PARG: variants seen among roughly 807,000 people sequenced by gnomAD.
The protein encoded by PARG is poly(ADP-ribose) glycohydrolase.
PARG carries 35 observed loss-of-function variants against 113.0 expected under a neutral mutation model. The ratio of observed to expected loss-of-function variants is 0.31; its 90% CI spans 0.24 to 0.41. The LOEUF (loss-of-function observed/expected upper bound fraction) is 0.41, where lower values mean the gene tolerates loss of function less well. PARG is among the 10% of genes least tolerant of loss of function. PARG has a pLI of 1.00. For synonymous variants in PARG, 330 were observed against 409.9 expected, an observed-to-expected ratio of 0.81 and a Z score of 2.36; for missense variants, 797 against 1,169.4, an observed-to-expected ratio of 0.68 and a Z score of 4.64.
chr10:49,921,292 T>C (rs1430870741), intron 6 of PARG, among the ~76,000 whole-genome samples: 13 of 152,252 alleles, frequency 8.5e-5, no homozygotes, highest in Non-Finnish European at 1.9e-4. Context: ...TCTTACCCCG[T>C]AATCCTACCT....
At chr10:49,836,454 T>C (rs1164045027) in intron 15 of PARG, among the ~76,000 whole-genome samples, 1 of 151,386 alleles carries the variant, frequency 6.6e-6, no homozygotes, top group Non-Finnish European at 1.5e-5. Flanking sequence ...ATCCCTAAAA[T>C]AATTATAACA....
At chr10:49,906,595 C>T (rs1371011852) in intron 7 of PARG, among the ~76,000 whole-genome samples, 1 of 152,072 alleles carries the variant, frequency 6.6e-6, no homozygotes, top group Non-Finnish European at 1.5e-5. Flanking sequence ...CTCCCTAAAC[C>T]TTGGTTTTCC....
chr10:49,889,782 A>T (rs533733360), intron 7 of PARG, among the ~76,000 whole-genome samples: 1 of 152,336 alleles, frequency 6.6e-6, no homozygotes, highest in African/African-American at 2.4e-5. Context: ...GACAAGCTTT[A>T]CAATGTTGCT....
rs971676556 is a variant in PARG, at chr10:49,819,892, A to G, written c.2776+273T>C. Among the ~76,000 whole-genome samples, 5 of 152,126 alleles carry G rather than the reference A, an allele frequency of 3.3e-5. No individual in the cohort carries two copies. The South Asian group carries it at 1.0e-3, about 32-fold the overall frequency. ...CCCTCATTCATCTTTCCCATTTTAG[A>G]TTTTTATAGACAGAAAAGTAAAAAT... On this transcript the variant is annotated intron_variant, in intron 17 of 17. Coordinates refer to ENST00000616448, the MANE Select transcript of PARG (RefSeq NM_003631.5).
Position 49,885,206 on chromosome 10 carries a change from G to A in PARG, c.1827C>T (p.Thr609=). 1.3e-6 allele frequency: 2 copies of A among 1,526,494 alleles called. No individual in the cohort carries two copies. Among genetic ancestry groups the A allele is most frequent in the African/African-American group, 1.4e-5 (1 of 73,192 alleles). 94.6% of individuals were successfully genotyped at this position (1,526,494 alleles called of 1,614,324 possible). A position where few individuals can be genotyped will look rare whatever the true frequency, so the allele number is the denominator to read the frequency against. The change falls in exon 8 of 18, where the codon ACC becomes ACT. Residue 609 remains threonine (T), a synonymous_variant. Transcript: ENST00000616448. ...TGAGGAAGCTACATCCACTAACCTG[G>A]GTGCAAATATTTGGCAGACAGAGTG... ...KIALCLPNIC[T]QPIPLLKQKM...
intron 9 of PARG, among the ~76,000 whole-genome samples, chr10:49,877,892 C>A (rs1847021196): frequency 7.2e-6 from 1 of 138,682 alleles, no homozygotes. Flanking sequence ...CCAATGGATG[C>A]CAAAATTAGT....
At chr10:49,902,577 T>C (rs1676278072) in intron 7 of PARG, among the ~76,000 whole-genome samples, 1 of 152,170 alleles carries the variant, frequency 6.6e-6, no homozygotes, top group African/African-American at 2.4e-5. Flanking sequence ...AAACACATAT[T>C]GAACACCCAC....
At chr10:49,833,933 T>C (rs190510448) in intron 15 of PARG, among the ~76,000 whole-genome samples, 41 of 152,304 alleles carry the variant, frequency 2.7e-4, no homozygotes, top group Middle Eastern at 6.8e-3. Flanking sequence ...CATAGAAATA[T>C]ATTAAATTGT....
At chr10:49,940,999 T>C (rs1839019456) in intron 1 of PARG, among the ~76,000 whole-genome samples, 2 of 152,340 alleles carry the variant, frequency 1.3e-5, no homozygotes, top group African/African-American at 4.8e-5. Flanking sequence ...TTTTATTATA[T>C]TAACTTTTGC....
At chr10:49,836,033 C>A (rs1029785849) in intron 15 of PARG, among the ~76,000 whole-genome samples, 1 of 152,108 alleles carries the variant, frequency 6.6e-6, no homozygotes, top group South Asian at 2.1e-4. Context: ...AGGTGAGTAG[C>A]AGGCTATACC....
intron 16 of PARG, among the ~76,000 whole-genome samples, chr10:49,829,960 T>G (rs562709898): frequency 6.6e-6 from 1 of 152,182 alleles, no homozygotes; most frequent in African/African-American, 2.4e-5. Flanking sequence ...CAATTCCCCA[T>G]TGAAGGACTT....
chr10:49,885,176 G>T (rs373608824), intron 8 of PARG, 27 bp downstream of exon 8: 58 of 1,192,958 alleles, frequency 4.9e-5, no homozygotes, highest in Non-Finnish European at 6.8e-5. Context: ...TCTCAGGGAA[G>T]CTACTGAGGA....
At chr10:49,931,929 T>C (rs1478275467) in intron 4 of PARG, among the ~76,000 whole-genome samples, 171 bp downstream of exon 4, 3 of 152,274 alleles carry the variant, frequency 2.0e-5, no homozygotes, top group Non-Finnish European at 2.9e-5. Context: ...TGTTAAGTTC[T>C]ATACTAAGTA....
At chr10:49,883,127 AC>A (rs1847294528) in intron 8 of PARG, among the ~76,000 whole-genome samples, 1 of 152,260 alleles carries the variant, frequency 6.6e-6, no homozygotes, top group African/African-American at 2.4e-5. Context: ...TGAAAACATC[AC>A]ACTGGAAAAC....
chr10:49,852,517 C>CATT (rs1845800892), intron 13 of PARG, among the ~76,000 whole-genome samples: 1 of 149,978 alleles, frequency 6.7e-6, no homozygotes, highest in Non-Finnish European at 1.5e-5. Flanking sequence ...CCTTTATTTA[C>CATT]ATTAACATTA....
chr10:49,928,891 T>TA (rs1838349872), intron 4 of PARG, among the ~76,000 whole-genome samples: 2 of 152,258 alleles, frequency 1.3e-5, no homozygotes, highest in South Asian at 4.1e-4. Flanking sequence ...AACTGTTAAT[T>TA]ACATTTATAT....
intron 7 of PARG, among the ~76,000 whole-genome samples, chr10:49,911,598 A>G (rs1837186839): frequency 6.6e-6 from 1 of 152,374 alleles, no homozygotes; most frequent in East Asian, 1.9e-4. Flanking sequence ...CTAAATATAT[A>G]ATTATAAATA....
intron 6 of PARG, among the ~76,000 whole-genome samples, chr10:49,919,164 C>T (rs1387623652): frequency 3.3e-5 from 5 of 152,166 alleles, no homozygotes; most frequent in African/African-American, 7.2e-5. Flanking sequence ...TGGTCTCAAA[C>T]TCCTGACCTC....
At chr10:49,888,597 T>C (rs1280210485) in intron 7 of PARG, among the ~76,000 whole-genome samples, 12 of 152,236 alleles carry the variant, frequency 7.9e-5, no homozygotes, top group Non-Finnish European at 1.6e-4. Flanking sequence ...TCATTCAAAC[T>C]GTTTTCTGTA....
Sources: gnomAD v4.1 joint callset for allele counts (sites outside exome capture counted in the v4.1 genomes callset) on GRCh38, gnomAD v4.1.1 for gene constraint, MANE v1.5 for transcripts, NCBI Gene and HGNC (gene_info 2026-07-23, HGNC 2026-07-21) for gene names.